PCDHA3: variants seen among roughly 807,000 people sequenced by gnomAD.
The protein encoded by PCDHA3 is protocadherin alpha 3, also known as protocadherin alpha-3.
In PCDHA3, 41 loss-of-function variants were observed where a neutral mutation model predicts 62.2. That is an observed-to-expected ratio of 0.66 (90% CI 0.51 to 0.86). The LOEUF (loss-of-function observed/expected upper bound fraction) is 0.86, where lower values mean the gene tolerates loss of function less well. PCDHA3 is among the 40% of genes least tolerant of loss of function. The pLI, the probability that PCDHA3 is intolerant of heterozygous loss-of-function variation, is 0.00. For missense variants in PCDHA3, 1,304 were observed against 1,241.2 expected, an observed-to-expected ratio of 1.05 and a Z score of -0.76; for synonymous variants, 640 against 555.4, an observed-to-expected ratio of 1.15 and a Z score of -2.14.
chr5:140,948,542 C>A (rs141026678), intron 1 of PCDHA3, among the ~76,000 whole-genome samples: 66 of 151,648 alleles, frequency 4.4e-4, no homozygotes, highest in African/African-American at 1.5e-3. Flanking sequence ...ATTTCATGCT[C>A]TGTCAATTTT....
chr5:140,909,066 T>G (rs1554193625), intron 1 of PCDHA3, among the ~76,000 whole-genome samples: 1 of 152,200 alleles, frequency 6.6e-6, no homozygotes, highest in African/African-American at 2.4e-5. Flanking sequence ...GTCTCACCAA[T>G]AAGCCCAGTG....
rs782153529 is a variant in PCDHA3, at chr5:140,871,456, G to T, written c.2394+67865G>T. 3.1e-6 allele frequency: 5 copies of T among 1,607,166 alleles called. No homozygotes were observed. The South Asian group carries it at 4.4e-5, about 14-fold the overall frequency. On this transcript the variant is annotated intron_variant, in intron 1 of 3. Coordinates refer to ENST00000522353, the MANE Select transcript of PCDHA3 (RefSeq NM_018906.3). ...TCTAGGTCTGAATAAAGAGGAGGAA[G>T]GGGAAAGACAGGAGCCAGGGTCAAA...
intron 1 of PCDHA3, chr5:140,822,043 G>C (rs1318041408): frequency 1.9e-6 from 3 of 1,614,200 alleles, no homozygotes; most frequent in Non-Finnish European, 2.5e-6. Flanking sequence ...TTCTCGGATC[G>C]ACCGGGAGGA....
chr5:140,869,192 A>T (rs782002128), intron 1 of PCDHA3: 2 of 1,613,882 alleles, frequency 1.2e-6, no homozygotes, highest in East Asian at 4.5e-5. Flanking sequence ...GGGAGCGGCC[A>T]GCTCCACTAC....
intron 1 of PCDHA3, chr5:140,821,712 T>C (rs1314797698): frequency 1.0e-5 from 15 of 1,473,256 alleles, no homozygotes; most frequent in Non-Finnish European, 1.4e-5. Flanking sequence ...TAATTGGGAA[T>C]TGAATTTACA....
At chr5:140,876,607 T>A in intron 1 of PCDHA3, 1 of 1,614,186 alleles carries the variant, frequency 6.2e-7, no homozygotes, top group Non-Finnish European at 8.5e-7. Context: ...GGATCGTGAC[T>A]CTGGAGCCAA....
intron 1 of PCDHA3, chr5:140,803,857 G>T: frequency 3.5e-6 from 2 of 572,466 alleles, no homozygotes; most frequent in Non-Finnish European, 6.1e-6. Flanking sequence ...TAAATGCCTG[G>T]GTATAAGACA....
chr5:140,878,890 T>C (rs1219933788), intron 1 of PCDHA3, among the ~76,000 whole-genome samples: 1 of 152,242 alleles, frequency 6.6e-6, no homozygotes, highest in East Asian at 1.9e-4. Flanking sequence ...TAGCTGAGAC[T>C]ACAGGCAGGC....
Position 140,836,117 on chromosome 5 carries a change from A to G in PCDHA3, c.2394+32526A>G, listed in dbSNP as rs1254092346. The G allele has an allele frequency of 3.1e-6, 5 of 1,613,532 alleles. No homozygotes were observed. In the Admixed American group the frequency reaches 5.0e-5, roughly 16 times the overall value. On this transcript the variant is annotated intron_variant, in intron 1 of 3. Transcript: ENST00000522353. ...TGGGTGGCACTGGTGGCGCAGTGAG[A>G]GAGCTTGTGCCGCGGTCTGTGGGCG...
chr5:140,852,117 T>C, intron 1 of PCDHA3: 1 of 906,144 alleles, frequency 1.1e-6, no homozygotes, highest in Non-Finnish European at 1.3e-6. Context: ...AGGTATGACC[T>C]AATTAAAAAC....
intron 1 of PCDHA3, among the ~76,000 whole-genome samples, chr5:140,903,657 A>G (rs913315008): frequency 6.6e-6 from 1 of 152,230 alleles, no homozygotes; most frequent in Non-Finnish European, 1.5e-5. Flanking sequence ...TATATTATAA[A>G]TTTAACTGAT....
At chr5:140,840,784 A>G (rs1776867902) in intron 1 of PCDHA3, among the ~76,000 whole-genome samples, 1 of 152,094 alleles carries the variant, frequency 6.6e-6, no homozygotes, top group East Asian at 1.9e-4. Context: ...TTAGAATTAT[A>G]TGCTCACCTC....
intron 1 of PCDHA3, among the ~76,000 whole-genome samples, chr5:140,918,360 G>A (rs1243919537): frequency 1.3e-5 from 2 of 152,082 alleles, no homozygotes; most frequent in African/African-American, 4.8e-5. Flanking sequence ...CTTCCTCTCT[G>A]CCTATTTGGA....
rs151249575 is a variant in PCDHA3, at chr5:140,920,220, T to TTATA, written c.2395-58728_2395-58725dup. 8.8e-3 allele frequency among the ~76,000 whole-genome samples: 1,344 copies of TTATA among 152,322 alleles called. 13 individuals carry two copies. The highest frequency in any genetic ancestry group is 0.031 in the African/African-American group (1,300 of 41,558). On this transcript the variant is annotated intron_variant, in intron 1 of 3. Coordinates refer to ENST00000522353, the MANE Select transcript of PCDHA3 (RefSeq NM_018906.3). ...GCAGCCACAGAAAACCAATGCACAT[T>TTATA]TATAGTATTATATACCCAACAATAC...
chr5:141,002,437 T>C (rs1238744621), intron 3 of PCDHA3, among the ~76,000 whole-genome samples: 1 of 152,186 alleles, frequency 6.6e-6, no homozygotes, highest in Non-Finnish European at 1.5e-5. Context: ...GCAATAACCA[T>C]AATAATTGGC....
At position 140,858,524 on chromosome 5, in the gene PCDHA3, T is replaced by C. The variant is rs1562538927; in HGVS notation, c.2394+54933T>C. 9 of 1,408,436 alleles carry C rather than the reference T, an allele frequency of 6.4e-6. 1 individual carries two copies. Among genetic ancestry groups the C allele is most frequent in the Admixed American group, 2.0e-5 (1 of 49,940 alleles). The allele number at this position is 1,408,436 out of a possible 1,614,324, so 87.2% of individuals were successfully genotyped here. A position where few individuals can be genotyped will look rare whatever the true frequency, so the allele number is the denominator to read the frequency against. On this transcript the variant is annotated intron_variant, in intron 1 of 3. Coordinates refer to ENST00000522353, the MANE Select transcript of PCDHA3 (RefSeq NM_018906.3). ...TTTCTCAAATATGTATCAGAATATT[T>C]CATTTTTGTCTACATTCCATTTATG...
intron 1 of PCDHA3, chr5:140,807,387 C>T: frequency 6.7e-7 from 1 of 1,488,996 alleles, no homozygotes; most frequent in Non-Finnish European, 9.2e-7. Flanking sequence ...TTCCGGGTGG[C>T]GTCCAAGGGC....
intron 1 of PCDHA3, chr5:140,884,023 G>C (rs1554181067): frequency 2.5e-6 from 4 of 1,613,202 alleles, no homozygotes; most frequent in Non-Finnish European, 3.4e-6. Flanking sequence ...CGCGGTCGGT[G>C]GGTGCAGGCC....
Position 140,887,082 on chromosome 5 carries a change from CT to C in PCDHA3, c.2394+83492del, listed in dbSNP as rs781992332. On this transcript the variant is annotated intron_variant, in intron 1 of 3. Coordinates refer to ENST00000522353, the MANE Select transcript of PCDHA3 (RefSeq NM_018906.3). Reference sequence around the variant, plus strand: ...GGCAACAAATTCACTCAGCTTTTGTCTGAGAAATATCTTTATCTCTTTTTTT... The same window carrying C: ...GGCAACAAATTCACTCAGCTTTTGTCGAGAAATATCTTTATCTCTTTTTTT... 2.0e-5 allele frequency among the ~76,000 whole-genome samples: 3 copies of C among 151,694 alleles called. No individual in the cohort carries two copies. The East Asian group carries it at 5.8e-4, about 29-fold the overall frequency.
Sources: allele counts gnomAD v4.1 joint callset (sites outside exome capture counted in the v4.1 genomes callset), GRCh38; gene constraint gnomAD v4.1.1; transcripts MANE v1.5; gene names NCBI Gene and HGNC (gene_info 2026-07-23, HGNC 2026-07-21).